DENND1A: variants seen among roughly 807,000 people sequenced by gnomAD.
DENND1A encodes the protein DENN domain containing 1A, also known as DENN domain-containing protein 1A.
In DENND1A, 51 loss-of-function variants were observed where a neutral mutation model predicts 113.7. The ratio of observed to expected loss-of-function variants is 0.45; its 90% confidence interval spans 0.36 to 0.57. The LOEUF is 0.57. DENND1A is among the 20% of genes least tolerant of loss of function. DENND1A has a pLI of 0.00. For synonymous variants in DENND1A, 565 were observed against 570.8 expected (o/e 0.99, Z 0.14); for missense variants, 1,258 against 1,395.9 (o/e 0.90, Z 1.57).
chr9:123,486,550 A>G (rs779191280), intron 13 of DENND1A, among the ~76,000 whole-genome samples: 5 of 151,900 alleles, frequency 3.3e-5, no homozygotes, highest in Non-Finnish European at 5.9e-5. Flanking sequence ...CACCCCTTTG[A>G]TCTTCTAACC....
intron 13 of DENND1A, among the ~76,000 whole-genome samples, chr9:123,482,068 A>T (rs2808393): frequency 1.3e-5 from 2 of 152,040 alleles, no homozygotes; most frequent in Non-Finnish European, 2.9e-5. Flanking sequence ...CCTCTCAAAG[A>T]GCTGGGATTA....
chr9:123,458,322 C>A (rs1192081020), intron 13 of DENND1A, among the ~76,000 whole-genome samples: 1 of 152,076 alleles, frequency 6.6e-6, no homozygotes. Context: ...ACTTTTCTAA[C>A]CCTCTGATAG....
intron 21 of DENND1A, among the ~76,000 whole-genome samples, chr9:123,392,942 C>T (rs997842298): frequency 3.9e-5 from 6 of 152,200 alleles, no homozygotes; most frequent in Non-Finnish European, 8.8e-5. Context: ...AGTTACTTCA[C>T]TGAGAATAAG....
intron 21 of DENND1A, among the ~76,000 whole-genome samples, chr9:123,399,456 C>T (rs1032516134): frequency 6.6e-6 from 1 of 152,130 alleles, no homozygotes; most frequent in African/African-American, 2.4e-5. Context: ...ACCTTCAACT[C>T]CCCAGGGCTC....
intron 13 of DENND1A, among the ~76,000 whole-genome samples, chr9:123,462,447 GCCT>G (rs1367114080): frequency 1.3e-5 from 2 of 152,158 alleles, no homozygotes; most frequent in South Asian, 4.1e-4. Flanking sequence ...TCTCCCTGCA[GCCT>G]CAGTCCTAAA....
At chr9:123,923,094 G>A (rs1378177590) in intron 1 of DENND1A, among the ~76,000 whole-genome samples, 1 of 152,154 alleles carries the variant, frequency 6.6e-6, no homozygotes, top group Non-Finnish European at 1.5e-5. Context: ...GAAAAAGGCT[G>A]GACCTTTGCA....
In DENND1A at chr9:123,667,010, C is replaced by T. The variant is rs1181096612; in HGVS notation, c.507+16G>A. 3.8e-6 allele frequency: 6 copies of T among 1,572,290 alleles called. No individual in the cohort carries two copies. In the Admixed American group the frequency reaches 1.0e-4, roughly 27 times the overall value. On this transcript the variant is annotated intron_variant, in intron 8 of 23. Coordinates refer to ENST00000394215, the MANE Select transcript of DENND1A (RefSeq NM_001352964.2). Reference sequence around the variant, plus strand: ...AAGAATAAAAATTTAATTTTTTCTTCTTCCCAAGTACTTACATTCTCAGGT... The same window carrying T: ...AAGAATAAAAATTTAATTTTTTCTTTTTCCCAAGTACTTACATTCTCAGGT...
At chr9:123,401,770 G>T in intron 21 of DENND1A, 1 of 1,613,832 alleles carries the variant, frequency 6.2e-7, no homozygotes. Flanking sequence ...ACACTGCGAA[G>T]TCAGCCCCTC....
intron 2 of DENND1A, among the ~76,000 whole-genome samples, chr9:123,876,442 T>C (rs1448415199): frequency 3.3e-5 from 5 of 152,186 alleles, no homozygotes; most frequent in Admixed American, 6.5e-5. Flanking sequence ...TATAAGAATA[T>C]GTCTTTATTC....
At chr9:123,926,218 T>C (rs1033406405) in intron 1 of DENND1A, among the ~76,000 whole-genome samples, 1 of 152,192 alleles carries the variant, frequency 6.6e-6, no homozygotes, top group Non-Finnish European at 1.5e-5. Flanking sequence ...TGACCTTCTC[T>C]TTTTTTGTCC....
At chr9:123,613,187 C>G (rs941272193) in intron 10 of DENND1A, among the ~76,000 whole-genome samples, 3 of 152,300 alleles carry the variant, frequency 2.0e-5, no homozygotes, top group Admixed American at 1.3e-4. Context: ...CAGGAGGGTG[C>G]CTTTCCTTTC....
At chr9:123,915,651 A>T (rs1349979736) in intron 1 of DENND1A, among the ~76,000 whole-genome samples, 4 of 152,176 alleles carry the variant, frequency 2.6e-5, no homozygotes, top group African/African-American at 9.6e-5. Context: ...GAGTTAACAG[A>T]TACTGTCTAA....
intron 13 of DENND1A, among the ~76,000 whole-genome samples, chr9:123,506,044 C>T (rs1040714044): frequency 4.6e-5 from 7 of 152,008 alleles, no homozygotes; most frequent in African/African-American, 7.2e-5. Context: ...CAAACACCTC[C>T]GAGAGCCCAC....
At chr9:123,538,805 CATACATATATATATATAT>C (rs1479356929) in intron 13 of DENND1A, among the ~76,000 whole-genome samples, 1,570 of 50,050 alleles carry the variant, frequency 0.031, 101 homozygotes, top group South Asian at 0.065. Context: ...GGTGACAACT[CATACATATATATATATAT>C]ATATATATAT....
At chr9:123,744,503 A>T (rs1045735740) in intron 5 of DENND1A, among the ~76,000 whole-genome samples, 2 of 152,216 alleles carry the variant, frequency 1.3e-5, no homozygotes, top group Non-Finnish European at 2.9e-5. Flanking sequence ...AGTGGAAAAA[A>T]TGTTAAAGGT....
At chr9:123,895,768 A>G (rs1564462184) in intron 1 of DENND1A, among the ~76,000 whole-genome samples, 1 of 152,184 alleles carries the variant, frequency 6.6e-6, no homozygotes, top group African/African-American at 2.4e-5. Context: ...CATTCTCCCA[A>G]TCTAAGGGGC....
chr9:123,591,060 A>G (rs553910349), intron 11 of DENND1A, among the ~76,000 whole-genome samples: 1 of 152,310 alleles, frequency 6.6e-6, no homozygotes, highest in Non-Finnish European at 1.5e-5. Context: ...TAAAAAGCCA[A>G]TGTCCCTAGA....
At chr9:123,595,737 G>A (rs2059657203) in intron 11 of DENND1A, among the ~76,000 whole-genome samples, 1 of 152,156 alleles carries the variant, frequency 6.6e-6, no homozygotes, top group Non-Finnish European at 1.5e-5. Flanking sequence ...TTGTTGAAAA[G>A]ATTGGGGGAG....
chr9:123,425,844 G>A (rs1006903123), intron 19 of DENND1A, among the ~76,000 whole-genome samples: 10 of 152,248 alleles, frequency 6.6e-5, no homozygotes, highest in Non-Finnish European at 1.3e-4. Flanking sequence ...GGGCCTTGAA[G>A]GGTTGGGAGG....
Sources: gnomAD v4.1 joint callset for allele counts (sites outside exome capture counted in the v4.1 genomes callset) on GRCh38, gnomAD v4.1.1 for gene constraint, MANE v1.5 for transcripts, NCBI Gene and HGNC (gene_info 2026-07-23, HGNC 2026-07-21) for gene names.